Variants in CTBP1 observed in about 807,000 individuals in gnomAD.
CTBP1 encodes C-terminal binding protein 1, also known as C-terminal-binding protein 1.
In CTBP1, 11 loss-of-function variants were observed where a neutral mutation model predicts 42.1. That is an observed-to-expected ratio of 0.26 (90% CI 0.16 to 0.43). The LOEUF is 0.43. Ranked by LOEUF, CTBP1 falls within the 20% of genes least tolerant of loss-of-function variation. The pLI, the probability that CTBP1 is intolerant of heterozygous loss-of-function variation, is 1.00. For missense variants in CTBP1, 399 were observed against 624.3 expected (o/e 0.64, Z 3.85); for synonymous variants, 324 against 277.1 (o/e 1.17, Z -1.68).
Position 1,212,288 on chromosome 4 carries a change from T to C in CTBP1, c.1242A>G (p.Gln414=), listed in dbSNP as rs749654333. 2.6e-6 allele frequency: 4 copies of C among 1,533,340 alleles called. No individual in the cohort carries two copies. Among genetic ancestry groups the C allele is most frequent in the African/African-American group, 1.4e-5 (1 of 70,406 alleles). 95.0% of individuals were successfully genotyped at this position (1,533,340 alleles called of 1,614,324 possible). ...CTCTATCCGCCTCGGGCTTGACGGT[T>C]TGGCCAGGAGAAGGGGCGTGGGGCG... ...AHPPHAPSPG[Q]TVKPEADRDH... The change falls in exon 10 of 10, where the codon CAA becomes CAG. Residue 414 remains glutamine (Q), a synonymous_variant. Coordinates refer to ENST00000382952, the MANE Select transcript of CTBP1 (RefSeq NM_001012614.2).
At chr4:1,212,635 A>T (rs1409460251) in intron 9 of CTBP1, 1 of 612,678 alleles carries the variant, frequency 1.6e-6, no homozygotes, top group Non-Finnish European at 2.8e-6. Flanking sequence ...TGACTTGAAC[A>T]TGAGGTCTTC....
rs1731849955 is a variant in CTBP1, at chr4:1,238,810, C to T, written c.8-473G>A. On this transcript the variant is annotated intron_variant, in intron 2 of 9. Coordinates refer to ENST00000382952, the MANE Select transcript of CTBP1 (RefSeq NM_001012614.2). This position sits in a 1 kb window ranked among gnomAD's most constrained non-coding sequence, Gnocchi z 5.9. ...GCCCTCCAAGACCCTCTGAGACCCCCCGAGACCCTCCCAGACCGTCCGAGA... is the reference window on the plus strand; with the variant it reads ...GCCCTCCAAGACCCTCTGAGACCCCTCGAGACCCTCCCAGACCGTCCGAGA... 6.6e-6 allele frequency among the ~76,000 whole-genome samples: 1 copy of T among 151,838 alleles called. No homozygotes were observed.
At chr4:1,237,272 T>A in intron 3 of CTBP1, 1 of 670,352 alleles carries the variant, frequency 1.5e-6, no homozygotes, top group Non-Finnish European at 2.7e-6. Context: ...CACCTCCTCA[T>A]GGGGCTCAGG....
At chr4:1,224,235 T>C (rs1730069865) in intron 5 of CTBP1, among the ~76,000 whole-genome samples, 1 of 152,208 alleles carries the variant, frequency 6.6e-6, no homozygotes, top group Non-Finnish European at 1.5e-5. Context: ...GTGATATCCA[T>C]GTGTGGTGCC....
At chr4:1,248,674 G>C (rs1253009196) in intron 1 of CTBP1, 1 of 983,374 alleles carries the variant, frequency 1.0e-6, no homozygotes, top group African/African-American at 1.8e-5. Flanking sequence ...CACGGGCCGC[G>C]GGCGGGGAGA....
Position 1,222,371 on chromosome 4 carries a change from GA to G in CTBP1, c.514+2988del, listed in dbSNP as rs1729837748. On this transcript the variant is annotated intron_variant, in intron 5 of 9. Coordinates refer to ENST00000382952, the MANE Select transcript of CTBP1 (RefSeq NM_001012614.2). ...CAGCTCCCGAGGCCGAGGGAGCGCT[GA>G]CCTGGCCTGGTTCATCACAAGATCA... Among the ~76,000 whole-genome samples the G allele has an allele frequency of 2.6e-5, 4 of 152,136 alleles. No individual in the cohort carries two copies. In the South Asian group the frequency reaches 8.3e-4, roughly 31 times the overall value.
intron 4 of CTBP1, among the ~76,000 whole-genome samples, chr4:1,227,384 G>A (rs1358718012): frequency 6.6e-6 from 1 of 150,442 alleles, no homozygotes; most frequent in Non-Finnish European, 1.5e-5. Flanking sequence ...CACGGCTGCA[G>A]ATGTGCGTGT....
At chr4:1,247,917 G>A (rs1276468159) in intron 1 of CTBP1, among the ~76,000 whole-genome samples, 2 of 152,244 alleles carry the variant, frequency 1.3e-5, no homozygotes, top group African/African-American at 2.4e-5. Flanking sequence ...CCCACTGGAA[G>A]GGAATTCTGT....
At position 1,244,361 on chromosome 4, in the gene CTBP1, G is replaced by GGT. The variant is rs1479615112; in HGVS notation, c.-188-2843_-188-2842insAC. The GGT allele has an allele frequency of 3.8e-4, 373 of 984,366 alleles. 5 individuals carry two copies. The Middle Eastern group carries it at 4.2e-3, about 11-fold the overall frequency. 61.0% of individuals were successfully genotyped at this position (984,366 alleles called of 1,614,324 possible). ...CAGTGGGTCTCTGGGCACTGGGGGG[G>GGT]GGGTGTTCCAGGAAGTCCCAGGGGG... is the stretch of plus-strand genomic sequence containing the variant. On this transcript the variant is annotated intron_variant, in intron 1 of 9. Transcript: ENST00000382952.
intron 4 of CTBP1, among the ~76,000 whole-genome samples, chr4:1,227,114 C>T (rs979371368): frequency 6.6e-6 from 1 of 152,050 alleles, no homozygotes; most frequent in Non-Finnish European, 1.5e-5. Context: ...CAAGTTTGTT[C>T]TAATGAGTGT....
intron 2 of CTBP1, among the ~76,000 whole-genome samples, chr4:1,239,502 G>A (rs934375823): frequency 1.3e-5 from 2 of 152,184 alleles, no homozygotes; most frequent in South Asian, 2.1e-4. Context: ...CCAGTCTCCC[G>A]CCCCATCCGC....
At chr4:1,223,937 C>A (rs900451903) in intron 5 of CTBP1, among the ~76,000 whole-genome samples, 8 of 152,210 alleles carry the variant, frequency 5.3e-5, no homozygotes, top group Non-Finnish European at 1.0e-4. Context: ...CCAGGATAGG[C>A]GGCTGCAAAG....
intron 1 of CTBP1, chr4:1,244,303 A>G (rs1244761936): frequency 1.5e-5 from 15 of 979,950 alleles, no homozygotes; most frequent in Non-Finnish European, 1.7e-5. Flanking sequence ...GGGGGTCACC[A>G]TGGGCTGGGA....
intron 5 of CTBP1, among the ~76,000 whole-genome samples, chr4:1,224,017 G>T (rs1730036069): frequency 6.6e-6 from 1 of 152,196 alleles, no homozygotes; most frequent in Non-Finnish European, 1.5e-5. Context: ...GCCAGCGCCA[G>T]GGGCAGCTGC....
At position 1,233,338 on chromosome 4, in the gene CTBP1, C is replaced by T. The variant is rs941258405; in HGVS notation, c.162+4845G>A. 6.6e-6 allele frequency: 1 copy of T among 152,278 alleles called. No individual in the cohort carries two copies. The allele number at this position is 152,278 out of a possible 1,614,324, so 9.4% of individuals were successfully genotyped here. Reference sequence around the variant, plus strand: ...AATCACTTCGTTTCCTGCACAGCCCCAGCACCTCTGTCTGGCGGAGCTTTC... The same window carrying T: ...AATCACTTCGTTTCCTGCACAGCCCTAGCACCTCTGTCTGGCGGAGCTTTC... On this transcript the variant is annotated intron_variant, in intron 3 of 9. Coordinates refer to ENST00000382952, the MANE Select transcript of CTBP1 (RefSeq NM_001012614.2). The surrounding 1 kb of genome is among the most constrained non-coding windows in gnomAD (Gnocchi z 4.6).
chr4:1,244,795 GCATTGGT>G (rs1732549209), intron 1 of CTBP1: 1 of 985,416 alleles, frequency 1.0e-6, no homozygotes, highest in African/African-American at 1.7e-5. Context: ...AGCCATCTGG[GCATTGGT>G]GAGATGCCCC....
At chr4:1,219,495 C>T (rs184760091) in intron 5 of CTBP1, among the ~76,000 whole-genome samples, 33 of 152,342 alleles carry the variant, frequency 2.2e-4, no homozygotes, top group African/African-American at 7.0e-4. Flanking sequence ...CAACAGGAAA[C>T]GTCCTACTTA....
At chr4:1,244,983 A>C in intron 1 of CTBP1, 4 of 985,448 alleles carry the variant, frequency 4.1e-6, no homozygotes, top group Non-Finnish European at 4.8e-6. Flanking sequence ...ATGGCAGAGA[A>C]GGCAGGCCCC....
chr4:1,240,599 G>A (rs1732070767), intron 2 of CTBP1, among the ~76,000 whole-genome samples: 1 of 132,072 alleles, frequency 7.6e-6, no homozygotes, highest in African/African-American at 2.9e-5. Context: ...AGTGGGAACC[G>A]GGTCCCTCGT....
Sources: allele counts gnomAD v4.1 joint callset (sites outside exome capture counted in the v4.1 genomes callset), GRCh38; gene constraint gnomAD v4.1.1; non-coding constraint Gnocchi (gnomAD v3.1); transcripts MANE v1.5; gene names NCBI Gene and HGNC (gene_info 2026-07-23, HGNC 2026-07-21).